Variants in TIFAB observed in about 807,000 individuals in gnomAD.
The protein encoded by TIFAB is TIFA inhibitor.
For missense variants in TIFAB, 222 were observed against 203.6 expected (o/e 1.09, Z -0.55); for synonymous variants, 116 against 95.2 (o/e 1.22, Z -1.27).
At chr5:135,450,052 T>C in intron 1 of TIFAB, 103 bp from the exon 2 acceptor site, 2 of 1,436,802 alleles carry the variant, frequency 1.4e-6, no homozygotes, top group Non-Finnish European at 1.9e-6. Context: ...CCTGTGCCTG[T>C]TCATACAATC....
rs1255687291 is a variant in TIFAB at position 135,446,858 on chromosome 5, C to T, written c.*2596G>A. The T allele has an allele frequency of 2.5e-6, 4 of 1,613,878 alleles. No homozygotes were observed. The highest frequency in any genetic ancestry group is 1.7e-5 in the Admixed American group (1 of 60,026). ...TCCCCTGTGGAGGAATTGAACTGCC[C>T]CCTCTCGCAGGACCCCAGCTGGCAA... is the stretch of plus-strand genomic sequence containing the variant. On this transcript the variant is annotated 3_prime_UTR_variant, in exon 2 of 2. Transcript: ENST00000537858.
intron 1 of TIFAB, 91 bp downstream of exon 1, chr5:135,452,118 C>G (rs1769371076): frequency 6.6e-6 from 1 of 152,232 alleles, no homozygotes; most frequent in South Asian, 2.1e-4. Context: ...GGAAGACACT[C>G]CAGAATGTGT....
At chr5:135,451,776 G>A (rs935902955) in intron 1 of TIFAB, among the ~76,000 whole-genome samples, 27 of 152,158 alleles carry the variant, frequency 1.8e-4, no homozygotes, top group South Asian at 2.1e-4. Flanking sequence ...AAGCCACCAC[G>A]CCCAGCCAGA....
At chr5:135,450,005 C>A in intron 1 of TIFAB, 56 bp from the exon 2 acceptor site, 2 of 1,506,956 alleles carry the variant, frequency 1.3e-6, no homozygotes, top group Non-Finnish European at 1.8e-6. Context: ...ACCTCTGTGG[C>A]TCCCTGAGCC....
rs564630250 is a variant in TIFAB, at chr5:135,449,136, T to A, written c.*318A>T. The A allele has an allele frequency of 1.3e-4, 47 of 361,478 alleles. No homozygotes were observed. The highest frequency in any genetic ancestry group is 8.1e-4 in the African/African-American group (40 of 49,102). 22.4% of individuals were successfully genotyped at this position (361,478 alleles called of 1,614,324 possible). A position where few individuals can be genotyped will look rare whatever the true frequency, so the allele number is the denominator to read the frequency against. The stretch of plus-strand genomic sequence containing the variant: ...CCTCAGGGCCTCTAAAAGTATATGA[T>A]GTTCCCATTACATTGCATAGCTCTG... On this transcript the variant is annotated 3_prime_UTR_variant, in exon 2 of 2. Coordinates refer to ENST00000537858, the MANE Select transcript of TIFAB (RefSeq NM_001099221.2).
At position 135,446,646 on chromosome 5, in the gene TIFAB, G is replaced by A. The variant is rs761040438; in HGVS notation, c.*2808C>T. 2 of 1,614,018 alleles carry A rather than the reference G, an allele frequency of 1.2e-6. No homozygotes were observed. The highest frequency in any genetic ancestry group is 2.2e-5 in the South Asian group (2 of 91,084). On this transcript the variant is annotated 3_prime_UTR_variant, in exon 2 of 2. Transcript: ENST00000537858. ...TTAACTGCCTTAAAAACTTGGTACA[G>A]GGCAAGGTGTGAGTTTCCCGGTGAG...
rs771605919 is a variant in TIFAB, at chr5:135,446,785, C to A, written c.*2669G>T. ...TGCTGCTATGCAGTTCATCCTGGGTCCCTGAGGGCCTCGCAGATGCTTCAC... is the reference window on the plus strand; with the variant it reads ...TGCTGCTATGCAGTTCATCCTGGGTACCTGAGGGCCTCGCAGATGCTTCAC... On this transcript the variant is annotated 3_prime_UTR_variant, in exon 2 of 2. Coordinates refer to ENST00000537858, the MANE Select transcript of TIFAB (RefSeq NM_001099221.2). The A allele has an allele frequency of 6.2e-7, 1 of 1,613,938 alleles. No individual in the cohort carries two copies. Among genetic ancestry groups the A allele is most frequent in the Admixed American group, 1.7e-5 (1 of 60,024 alleles).
intron 1 of TIFAB, among the ~76,000 whole-genome samples, chr5:135,451,712 G>A (rs1769365018): frequency 6.6e-6 from 1 of 152,122 alleles, no homozygotes; most frequent in Admixed American, 6.5e-5. Context: ...TCGAACTCCT[G>A]ACTTTAGGTG....
chr5:135,446,571 A>T lies in TIFAB; in HGVS notation c.*2883T>A. The stretch of plus-strand genomic sequence containing the variant: ...GAAGGTGGGTGCCATGGATCTGATG[A>T]TTTCAGTGATTTTCTACTCAAGAAA... On this transcript the variant is annotated 3_prime_UTR_variant, in exon 2 of 2. Coordinates refer to ENST00000537858, the MANE Select transcript of TIFAB (RefSeq NM_001099221.2). The T allele has an allele frequency of 6.2e-7, 1 of 1,613,954 alleles. No homozygotes were observed. Among genetic ancestry groups the T allele is most frequent in the Non-Finnish European group, 8.5e-7 (1 of 1,179,870 alleles).
At chr5:135,452,034 G>A (rs1469876198) in intron 1 of TIFAB, among the ~76,000 whole-genome samples, 175 bp downstream of exon 1, 1 of 152,234 alleles carries the variant, frequency 6.6e-6, no homozygotes, top group Non-Finnish European at 1.5e-5. Context: ...GCTGTCCCGT[G>A]TCTTTTGGAT....
rs1407404373 is a variant in TIFAB at position 135,449,485 on chromosome 5, G to A, written c.455C>T (p.Ser152Phe). Reference sequence around the variant, plus strand: ...TGAACCAGGGGGAGGCTGCCCCTGGGAGATGCCTTCCCATTCGTCAGTTTC... The same window carrying A: ...TGAACCAGGGGGAGGCTGCCCCTGGAAGATGCCTTCCCATTCGTCAGTTTC... ...AEETDEWEGI[S>F]QGQPPPGSG is the part of the protein sequence containing the mutation. Residue 152 changes from serine to phenylalanine, a missense_variant, in exon 2 of 2, where the codon TCC (serine) becomes TTC (phenylalanine). Coordinates refer to ENST00000537858, the MANE Select transcript of TIFAB (RefSeq NM_001099221.2). 1 of 1,614,014 alleles carries A rather than the reference G, an allele frequency of 6.2e-7. No individual in the cohort carries two copies. The highest frequency in any genetic ancestry group is 2.2e-5 in the East Asian group (1 of 44,894).
intron 1 of TIFAB, among the ~76,000 whole-genome samples, chr5:135,451,038 C>T (rs1230890795): frequency 6.6e-6 from 1 of 152,366 alleles, no homozygotes; most frequent in Middle Eastern, 3.4e-3. Flanking sequence ...GAGTTCCTCT[C>T]TTCCTGCCCC....
chr5:135,446,762 C>G lies in TIFAB; in HGVS notation c.*2692G>C. 1 of 1,613,990 alleles carries G rather than the reference C, an allele frequency of 6.2e-7. No individual in the cohort carries two copies. Among genetic ancestry groups the G allele is most frequent in the Non-Finnish European group, 8.5e-7 (1 of 1,179,850 alleles). On this transcript the variant is annotated 3_prime_UTR_variant, in exon 2 of 2. Coordinates refer to ENST00000537858, the MANE Select transcript of TIFAB (RefSeq NM_001099221.2). The stretch of plus-strand genomic sequence containing the variant: ...CCTGGTCTGGCCTGTCTTCCTTCTG[C>G]TGCTATGCAGTTCATCCTGGGTCCC...
Position 135,448,915 on chromosome 5 carries a change from G to A in TIFAB, c.*539C>T, listed in dbSNP as rs941933495. On this transcript the variant is annotated 3_prime_UTR_variant, in exon 2 of 2. Coordinates refer to ENST00000537858, the MANE Select transcript of TIFAB (RefSeq NM_001099221.2). ...TTACACTCAGGCTTTCCTAAGCCCCGCGTGCCTGTGGGTATTTGAAAGCTG... is the reference window on the plus strand; with the variant it reads ...TTACACTCAGGCTTTCCTAAGCCCCACGTGCCTGTGGGTATTTGAAAGCTG... 1.2e-5 allele frequency: 2 copies of A among 160,354 alleles called. No individual in the cohort carries two copies. Among genetic ancestry groups the A allele is most frequent in the African/African-American group, 2.4e-5 (1 of 41,682 alleles). 9.9% of individuals were successfully genotyped at this position (160,354 alleles called of 1,614,324 possible).
chr5:135,446,758 T>C lies in TIFAB; in HGVS notation c.*2696A>G. 1 of 1,613,972 alleles carries C rather than the reference T, an allele frequency of 6.2e-7. No individual in the cohort carries two copies. The highest frequency in any genetic ancestry group is 8.5e-7 in the Non-Finnish European group (1 of 1,179,856). ...CCCGCCTGGTCTGGCCTGTCTTCCT[T>C]CTGCTGCTATGCAGTTCATCCTGGG... On this transcript the variant is annotated 3_prime_UTR_variant, in exon 2 of 2. Transcript: ENST00000537858.
Position 135,449,734 on chromosome 5 carries a change from G to A in TIFAB, c.206C>T (p.Ala69Val), listed in dbSNP as rs748636887. The change falls in exon 2 of 2, where the codon GCC (alanine) becomes GTC (valine). Residue 69 changes from alanine to valine, a missense_variant. Physicochemically the swap from Ala to Val is moderately conservative, Grantham distance 64 (BLOSUM62 0). Coordinates refer to ENST00000537858, the MANE Select transcript of TIFAB (RefSeq NM_001099221.2). Reference sequence around the variant, plus strand: ...GGCCTTGAGGCAGAAGGCCAGCAGGGCACTGCCTTTCTCCAGGTAGGGCTC... The same window carrying A: ...GGCCTTGAGGCAGAAGGCCAGCAGGACACTGCCTTTCTCCAGGTAGGGCTC... ...SLEPYLEKGS[A>V]LLAFCLKALS... is the part of the protein sequence containing the mutation. 2 of 1,614,014 alleles carry A rather than the reference G, an allele frequency of 1.2e-6. No individual in the cohort carries two copies. The highest frequency in any genetic ancestry group is 1.7e-6 in the Non-Finnish European group (2 of 1,179,980).
At position 135,446,864 on chromosome 5, in the gene TIFAB, C is replaced by T. The variant is rs377125441; in HGVS notation, c.*2590G>A. ...GTGGAGGAATTGAACTGCCCCCTCT[C>T]GCAGGACCCCAGCTGGCAAGGTTTT... On this transcript the variant is annotated 3_prime_UTR_variant, in exon 2 of 2. Transcript: ENST00000537858. The T allele has an allele frequency of 6.8e-6, 11 of 1,613,880 alleles. No homozygotes were observed. The highest frequency in any genetic ancestry group is 1.7e-4 in the Middle Eastern group (1 of 6,060).
At position 135,449,494 on chromosome 5, in the gene TIFAB, TC is replaced by T. The variant is rs1561708465; in HGVS notation, c.445del (p.Glu149LysfsTer67). On this transcript the variant is annotated frameshift_variant, in exon 2 of 2. Coordinates refer to ENST00000537858, the MANE Select transcript of TIFAB (RefSeq NM_001099221.2). LOFTEE classifies it low-confidence loss of function (END_TRUNC). ...GGGAGGCTGCCCCTGGGAGATGCCTTCCCATTCGTCAGTTTCCTCAGCCTCA... is the reference window on the plus strand; with the variant it reads ...GGGAGGCTGCCCCTGGGAGATGCCTTCCATTCGTCAGTTTCCTCAGCCTCA... ...RPEAEETDEW[E>X]GISQGQPPPG... 1 of 1,614,144 alleles carries T rather than the reference TC, an allele frequency of 6.2e-7. No individual in the cohort carries two copies. Among genetic ancestry groups the T allele is most frequent in the South Asian group, 1.1e-5 (1 of 91,084 alleles).
Position 135,446,432 on chromosome 5 carries a change from TGGGA to T in TIFAB, c.*3018_*3021del. The T allele has an allele frequency of 6.2e-7, 1 of 1,612,698 alleles. No individual in the cohort carries two copies. Among genetic ancestry groups the T allele is most frequent in the Non-Finnish European group, 8.5e-7 (1 of 1,178,830 alleles). On this transcript the variant is annotated 3_prime_UTR_variant, in exon 2 of 2. Coordinates refer to ENST00000537858, the MANE Select transcript of TIFAB (RefSeq NM_001099221.2). ...GCTGAGAGAATGCAGTGGAGGTTGT[TGGGA>T]GGAACTCACCCGCCTGCTCTGGCTG...
Sources: gnomAD v4.1 joint callset for allele counts (sites outside exome capture counted in the v4.1 genomes callset) on GRCh38, gnomAD v4.1.1 for gene constraint, MANE v1.5 for transcripts, NCBI Gene and HGNC (gene_info 2026-07-23, HGNC 2026-07-21) for gene names.